Variants in XRN2 observed in about 807,000 individuals in gnomAD.
XRN2 encodes the protein 5'-3' exoribonuclease 2, also known as DHM1-like protein.
A neutral mutation model predicts 138.5 loss-of-function variants in XRN2; 44 were observed. That is an observed-to-expected ratio of 0.32 (90% CI 0.25 to 0.41). XRN2 has a LOEUF of 0.41. Ranked by LOEUF, XRN2 falls within the 10% of genes least tolerant of loss-of-function variation. The pLI is 1.00. For synonymous variants in XRN2, 354 were observed against 369.4 expected (o/e 0.96, Z 0.48); for missense variants, 937 against 1,169.3 (o/e 0.80, Z 2.90).
intron 27 of XRN2, among the ~76,000 whole-genome samples, chr20:21,375,010 CTTTTT>C (rs34212552): frequency 6.7e-4 from 30 of 44,680 alleles, no homozygotes; most frequent in East Asian, 4.1e-3. Context: ...TTGGTAAGTT[CTTTTT>C]TTTTTTTTTT....
intron 21 of XRN2, among the ~76,000 whole-genome samples, chr20:21,355,775 C>A (rs916212615): frequency 1.3e-5 from 2 of 152,010 alleles, no homozygotes; most frequent in Admixed American, 6.6e-5. Context: ...TACCTATATA[C>A]AATATGTGAT....
Position 21,389,464 on chromosome 20 carries a change from G to T in XRN2, c.*126G>T. The T allele has an allele frequency of 1.2e-6, 1 of 836,394 alleles. No individual in the cohort carries two copies. The allele number at this position is 836,394 out of a possible 1,614,324, so 51.8% of individuals were successfully genotyped here. On this transcript the variant is annotated 3_prime_UTR_variant, in exon 30 of 30. Transcript: ENST00000377191. The stretch of plus-strand genomic sequence containing the variant: ...TACTTTGTGTATTTCTTTTAACTGT[G>T]TATATTTCTACTGATCTGATCTCAC...
At chr20:21,384,057 T>A (rs1233957790) in intron 28 of XRN2, among the ~76,000 whole-genome samples, 2 of 152,352 alleles carry the variant, frequency 1.3e-5, no homozygotes, top group South Asian at 4.1e-4. Flanking sequence ...GTCTTTTTTT[T>A]ATTACATTGC....
chr20:21,356,063 CT>C lies in XRN2; in HGVS notation c.2021-13del. 1 of 1,591,712 alleles carries C rather than the reference CT, an allele frequency of 6.3e-7. No individual in the cohort carries two copies. On this transcript the variant is annotated splice_polypyrimidine_tract_variant and intron_variant, in intron 21 of 29. Transcript: ENST00000377191. ...AATTTTTTTATGTGTAGGTCTTATT[CT>C]TTTCTTTCTCCCTAGCCAGAAGAAA...
chr20:21,356,279 T>A, intron 22 of XRN2, 102 bp downstream of exon 22: 1 of 878,228 alleles, frequency 1.1e-6, no homozygotes, highest in Non-Finnish European at 1.7e-6. Flanking sequence ...AAGTGGTTAT[T>A]CTGTGGCATT....
intron 28 of XRN2, among the ~76,000 whole-genome samples, chr20:21,384,750 C>T (rs948053352): frequency 1.3e-5 from 2 of 152,180 alleles, no homozygotes; most frequent in East Asian, 3.9e-4. Flanking sequence ...GCCTCGGCCT[C>T]CTGGAGTGCC....
At chr20:21,364,830 TG>T (rs1213734117) in intron 24 of XRN2, among the ~76,000 whole-genome samples, 2 of 151,428 alleles carry the variant, frequency 1.3e-5, no homozygotes, top group African/African-American at 4.9e-5. Flanking sequence ...AGCATATTTG[TG>T]TAGTTTTCAA....
intron 29 of XRN2, among the ~76,000 whole-genome samples, chr20:21,388,016 G>C (rs1600724969): frequency 6.6e-6 from 1 of 152,178 alleles, no homozygotes; most frequent in East Asian, 1.9e-4. Context: ...TTTCAGCCCA[G>C]GACCTCTAAA....
chr20:21,387,159 A>G (rs1340507624), intron 29 of XRN2, among the ~76,000 whole-genome samples, 153 bp downstream of exon 29: 1 of 152,232 alleles, frequency 6.6e-6, no homozygotes, highest in African/African-American at 2.4e-5. Context: ...TTAAAAATGT[A>G]TATGGGTTGA....
At chr20:21,352,638 C>T (rs567429781) in intron 20 of XRN2, among the ~76,000 whole-genome samples, 3 of 151,954 alleles carry the variant, frequency 2.0e-5, no homozygotes, top group East Asian at 1.9e-4. Context: ...GCCCAACACA[C>T]GTAATTTAAA....
Position 21,333,971 on chromosome 20 carries a change from A to G in XRN2, c.1102A>G (p.Lys368Glu). 6.2e-7 allele frequency: 1 copy of G among 1,614,158 alleles called. No individual in the cohort carries two copies. Among genetic ancestry groups the G allele is most frequent in the Non-Finnish European group, 8.5e-7 (1 of 1,180,016 alleles). Residue 368 changes from lysine (K) to glutamate (E), a missense_variant, in exon 12 of 30, where the codon AAA (lysine) becomes GAA (glutamate). This residue lies in a region of XRN2 where 471 missense variants were observed against 581.2 expected (regional missense o/e 0.81). Coordinates refer to ENST00000377191, the MANE Select transcript of XRN2 (RefSeq NM_012255.5). ...AATTGACCGTTTGGTTAACATATAC[A>G]AAAATGTGGTACACAAAACTGGGGT... ...NAIDRLVNIYKNVVHKTGGYL... is the reference protein window; with the variant it reads ...NAIDRLVNIYENVVHKTGGYL...
Position 21,389,258 on chromosome 20 carries a change from TTTG to T in XRN2, c.2788-12_2788-10del. ...TCGGTCCAGAAAATAAACTCTTTCT[TTTG>T]TTTATTTTCAGGGATATCCCAGAGA... On this transcript the variant is annotated splice_polypyrimidine_tract_variant and intron_variant, in intron 29 of 29. Coordinates refer to ENST00000377191, the MANE Select transcript of XRN2 (RefSeq NM_012255.5). The T allele has an allele frequency of 6.2e-7, 1 of 1,608,800 alleles. No homozygotes were observed.
intron 1 of XRN2, among the ~76,000 whole-genome samples, chr20:21,323,738 A>G (rs528318183): frequency 3.9e-5 from 6 of 152,282 alleles, no homozygotes; most frequent in African/African-American, 1.4e-4. Context: ...ATTCTCATGT[A>G]GCTCCACTCC....
chr20:21,332,565 G>A (rs1224200882), intron 9 of XRN2, 125 bp downstream of exon 9: 4 of 974,024 alleles, frequency 4.1e-6, no homozygotes, highest in Non-Finnish European at 5.6e-6. Context: ...AAATATTTGA[G>A]TTACCTTGTT....
chr20:21,348,283 T>G, intron 18 of XRN2, 30 bp downstream of exon 18: 1 of 1,612,004 alleles, frequency 6.2e-7, no homozygotes, highest in East Asian at 2.2e-5. Context: ...GTCATAAAGT[T>G]TATAGAATTC....
chr20:21,328,501 T>G, intron 3 of XRN2, 58 bp from the exon 4 acceptor site: 2 of 1,490,268 alleles, frequency 1.3e-6, no homozygotes, highest in Non-Finnish European at 1.8e-6. Flanking sequence ...CAAAATAAGG[T>G]ACAGATTTAT....
chr20:21,313,364 C>T (rs1222765387), intron 1 of XRN2, among the ~76,000 whole-genome samples: 3 of 152,152 alleles, frequency 2.0e-5, no homozygotes, highest in Non-Finnish European at 4.4e-5. Flanking sequence ...TTGGGTGACT[C>T]AATTTTTCGC....
chr20:21,314,138 A>G (rs1023509775), intron 1 of XRN2, among the ~76,000 whole-genome samples: 2 of 152,198 alleles, frequency 1.3e-5, no homozygotes. Flanking sequence ...CTTTATGTCT[A>G]TATAGATTTT....
chr20:21,354,939 T>C (rs542158133), intron 21 of XRN2, 67 bp downstream of exon 21: 396 of 1,261,546 alleles, frequency 3.1e-4, no homozygotes, highest in Non-Finnish European at 4.0e-4. Flanking sequence ...TGTATAAAAT[T>C]AGACCTTCCT....
Sources: gnomAD v4.1 joint callset for allele counts (sites outside exome capture counted in the v4.1 genomes callset) on GRCh38, gnomAD v4.1.1 for gene constraint, gnomAD v4.1.1 regional missense constraint, MANE v1.5 for transcripts, NCBI Gene and HGNC (gene_info 2026-07-23, HGNC 2026-07-21) for gene names.